The following COG6 variants were observed in gnomAD, a reference collection of about 807,000 sequenced individuals.
COG6 encodes component of oligomeric golgi complex 6.
Under a neutral mutation model 88.8 loss-of-function variants are expected in COG6, and 74 were observed. That is an observed-to-expected ratio of 0.83 (90% CI 0.69 to 1.01). The LOEUF (loss-of-function observed/expected upper bound fraction) is 1.01, where lower values mean the gene tolerates loss of function less well. COG6 is among the 50% of genes least tolerant of loss of function. COG6 has a pLI of 0.00. For synonymous variants in COG6, 286 were observed against 278.7 expected, an observed-to-expected ratio of 1.03 and a Z score of -0.26; for missense variants, 800 against 797.9, an observed-to-expected ratio of 1.00 and a Z score of -0.03.
At chr13:39,696,672 T>C (rs1247021701) in intron 12 of COG6, among the ~76,000 whole-genome samples, 1 of 151,440 alleles carries the variant, frequency 6.6e-6, no homozygotes, top group South Asian at 2.1e-4. Flanking sequence ...TCACACAGGA[T>C]TTTGAAGGCG....
intron 8 of COG6, 114 bp downstream of exon 8, chr13:39,682,378 T>C: frequency 1.5e-6 from 1 of 683,916 alleles, no homozygotes. Flanking sequence ...TTTATAATAA[T>C]TTACAACAAT....
chr13:39,684,243 A>ATTTTTTTTT (rs1203671335), intron 8 of COG6, among the ~76,000 whole-genome samples: 9,957 of 66,718 alleles, frequency 0.15, 2,559 homozygotes, highest in Middle Eastern at 0.23. Flanking sequence ...AATTTGGAAG[A>ATTTTTTTTT]TTTTTTTTTT....
intron 18 of COG6, among the ~76,000 whole-genome samples, chr13:39,774,212 C>T (rs1386939531): frequency 6.6e-6 from 1 of 152,334 alleles, no homozygotes; most frequent in East Asian, 1.9e-4. Context: ...TCCCAAACCA[C>T]ATATCATTTT....
intron 4 of COG6, 87 bp from the exon 5 acceptor site, chr13:39,677,381 A>C: frequency 2.6e-6 from 2 of 783,606 alleles, no homozygotes; most frequent in Non-Finnish European, 4.5e-6. Flanking sequence ...TGTTTTAAAA[A>C]TTTATTATGT....
chr13:39,671,337 C>T (rs1331396663), intron 4 of COG6, among the ~76,000 whole-genome samples: 1 of 151,152 alleles, frequency 6.6e-6, no homozygotes, highest in Non-Finnish European at 1.5e-5. Context: ...CAAATTTTCC[C>T]CACCAATGAA....
At chr13:39,701,670 C>T (rs908307150) in intron 13 of COG6, among the ~76,000 whole-genome samples, 4 of 151,890 alleles carry the variant, frequency 2.6e-5, no homozygotes, top group African/African-American at 9.7e-5. Context: ...GGCTTGTTAT[C>T]TTTGGCAATA....
At chr13:39,733,628 G>T (rs575892020) in intron 18 of COG6, among the ~76,000 whole-genome samples, 217 of 151,424 alleles carry the variant, frequency 1.4e-3, no homozygotes, top group African/African-American at 4.7e-3. Flanking sequence ...TTTGGTTTTG[G>T]TATCAGGGTT....
chr13:39,771,575 C>T (rs1881319410), intron 18 of COG6, among the ~76,000 whole-genome samples: 1 of 152,220 alleles, frequency 6.6e-6, no homozygotes, highest in African/African-American at 2.4e-5. Flanking sequence ...GTCTTGGTTC[C>T]ATCTCTCATT....
At chr13:39,736,297 T>C (rs181188642) in intron 18 of COG6, among the ~76,000 whole-genome samples, 2 of 152,300 alleles carry the variant, frequency 1.3e-5, no homozygotes, top group Admixed American at 1.3e-4. Context: ...GCTAAGAGAC[T>C]CTGATGCATT....
At chr13:39,672,605 C>A (rs140629187) in intron 4 of COG6, among the ~76,000 whole-genome samples, 11 of 152,014 alleles carry the variant, frequency 7.2e-5, no homozygotes, top group Non-Finnish European at 1.5e-4. Context: ...GAATAGTATT[C>A]CATTGTATAG....
intron 18 of COG6, among the ~76,000 whole-genome samples, chr13:39,757,701 T>C (rs1880883696): frequency 6.6e-6 from 1 of 151,912 alleles, no homozygotes; most frequent in African/African-American, 2.4e-5. Flanking sequence ...AAACACAAAG[T>C]ACCAAAATCA....
At chr13:39,689,053 C>T (rs1876830568) in intron 10 of COG6, among the ~76,000 whole-genome samples, 1 of 152,162 alleles carries the variant, frequency 6.6e-6, no homozygotes, top group Non-Finnish European at 1.5e-5. Context: ...ACAAAGTGTG[C>T]ATCGTTAGGT....
At chr13:39,753,874 A>T (rs532947573), downstream of COG6, among the ~76,000 whole-genome samples, 4 of 152,274 alleles carry the variant, frequency 2.6e-5, no homozygotes, top group South Asian at 6.2e-4. Context: ...TGGTTTAGAC[A>T]TGCTGTCGTC....
chr13:39,720,918 C>T lies in COG6; in HGVS notation c.1584+1091C>T, dbSNP rs1043181923. On this transcript the variant is annotated intron_variant, in intron 15 of 18. Transcript: ENST00000455146. ...ATATGGTCATACTTAAGAGTTTTCC[C>T]ATCCTCCCAATGTAGCTATATTATA... Among the ~76,000 whole-genome samples the T allele has an allele frequency of 4.2e-4, 64 of 152,084 alleles. 1 individual carries two copies. The highest frequency in any genetic ancestry group is 1.5e-3 in the African/African-American group (64 of 41,518).
At position 39,662,753 on chromosome 13, in the gene COG6, T is replaced by C. The variant is rs1022236181; in HGVS notation, c.369+1872T>C. On this transcript the variant is annotated intron_variant, in intron 3 of 18. Coordinates refer to ENST00000455146, the MANE Select transcript of COG6 (RefSeq NM_020751.3). ...ACATATCATTTTTAATAGTAGGAGG[T>C]CCATGATTTTGAAAGTTTTGTTTAT... Among the ~76,000 whole-genome samples the C allele has an allele frequency of 1.3e-5, 2 of 152,120 alleles. 1 individual carries two copies. The highest frequency in any genetic ancestry group is 1.3e-4 in the Admixed American group (2 of 15,272).
At chr13:39,699,207 T>C (rs1877438178) in intron 12 of COG6, among the ~76,000 whole-genome samples, 2 of 150,612 alleles carry the variant, frequency 1.3e-5, no homozygotes. Flanking sequence ...AGAGGAAAAA[T>C]AGAGATAGGG....
At chr13:39,662,932 T>G (rs958407651) in intron 3 of COG6, among the ~76,000 whole-genome samples, 10 of 152,040 alleles carry the variant, frequency 6.6e-5, no homozygotes, top group Admixed American at 6.6e-4. Context: ...TCTTATAGAA[T>G]GTTGTTATAA....
chr13:39,757,682 A>T (rs941388988), intron 18 of COG6, among the ~76,000 whole-genome samples: 6 of 152,188 alleles, frequency 3.9e-5, no homozygotes, highest in African/African-American at 1.4e-4. Context: ...GTGGAAGTGG[A>T]CAAATGAAAA....
chr13:39,781,630 A>G (rs1293217254), intron 18 of COG6, among the ~76,000 whole-genome samples: 2 of 151,984 alleles, frequency 1.3e-5, no homozygotes, highest in African/African-American at 2.4e-5. Context: ...TCATTTTCTA[A>G]GCCCCATCCT....
Sources: gnomAD v4.1 joint callset for allele counts (sites outside exome capture counted in the v4.1 genomes callset) on GRCh38, gnomAD v4.1.1 for gene constraint, MANE v1.5 for transcripts, NCBI Gene and HGNC (gene_info 2026-07-23, HGNC 2026-07-21) for gene names.